The following TFDP2 variants were observed in gnomAD, a reference collection of about 807,000 sequenced individuals.
TFDP2 encodes the protein transcription factor Dp-2.
TFDP2 carries 17 observed loss-of-function variants against 59.3 expected under a neutral mutation model. The ratio of observed to expected loss-of-function variants is 0.29; its 90% CI spans 0.20 to 0.43. The LOEUF (loss-of-function observed/expected upper bound fraction) is 0.43. Among genes scored for constraint, TFDP2 ranks in the 20% least tolerant of loss-of-function variants. The probability of loss-of-function intolerance (pLI) is 1.00; values close to 1 mark genes in which losing one functional copy is unlikely to be tolerated. For missense variants in TFDP2, 391 were observed against 528.8 expected, an observed-to-expected ratio of 0.74 and a Z score of 2.56; for synonymous variants, 180 against 194.7, an observed-to-expected ratio of 0.92 and a Z score of 0.63.
intron 3 of TFDP2, chr3:142,054,004 G>A (rs2059655843): frequency 1.3e-5 from 2 of 152,176 alleles, no homozygotes; most frequent in African/African-American, 4.8e-5. Flanking sequence ...GTGCTGGCAA[G>A]GACACAGGGC....
At chr3:142,005,635 T>C (rs1304640606) in intron 3 of TFDP2, 91 bp from the exon 4 acceptor site, 1 of 771,132 alleles carries the variant, frequency 1.3e-6, no homozygotes, top group African/African-American at 1.8e-5. Flanking sequence ...ATTCATTATG[T>C]TGAGGTAATT....
chr3:142,068,848 C>T (rs1296918018), intron 3 of TFDP2, among the ~76,000 whole-genome samples: 1 of 152,092 alleles, frequency 6.6e-6, no homozygotes, highest in Non-Finnish European at 1.5e-5. Flanking sequence ...TGTGAGCCAC[C>T]ACGCCAGGCC....
rs949236370 is a variant in TFDP2 at position 142,101,767 on chromosome 3, T to C, written c.-18A>G. 4 of 1,313,724 alleles carry C rather than the reference T, an allele frequency of 3.0e-6. No homozygotes were observed. Among genetic ancestry groups the C allele is most frequent in the Non-Finnish European group, 4.0e-6 (4 of 997,146 alleles). The allele number at this position is 1,313,724 out of a possible 1,614,324, so 81.4% of individuals were successfully genotyped here. A position where few individuals can be genotyped will look rare whatever the true frequency, so the allele number is the denominator to read the frequency against. ...GCCGTCATGTCAAACTGTATTCTATTTAAGATTCTGTAAAGCCATTAAAAA... is the reference window on the plus strand; with the variant it reads ...GCCGTCATGTCAAACTGTATTCTATCTAAGATTCTGTAAAGCCATTAAAAA... On this transcript the variant is annotated 5_prime_UTR_variant, in exon 2 of 13. Coordinates refer to ENST00000489671, the MANE Select transcript of TFDP2 (RefSeq NM_001178139.2).
At chr3:141,952,798 C>G (rs1936080237) in intron 12 of TFDP2, 102 bp from the exon 13 acceptor site, 3 of 1,561,436 alleles carry the variant, frequency 1.9e-6, no homozygotes, top group Non-Finnish European at 2.6e-6. Context: ...GTGAGATCTG[C>G]CACAAACCTG....
chr3:142,149,507 C>T lies in TFDP2; in HGVS notation c.-417G>A, dbSNP rs1037439231. 2.9e-6 allele frequency: 1 copy of T among 342,128 alleles called. No homozygotes were observed. The highest frequency in any genetic ancestry group is 5.2e-6 in the Non-Finnish European group (1 of 190,652). 21.2% of individuals were successfully genotyped at this position (342,128 alleles called of 1,614,324 possible). The stretch of plus-strand genomic sequence containing the variant: ...CCCTGCCCAGCTACAGCCCCGCTTC[C>T]CCCGCGCGAGCTTTGGCGGCGGAGC... On this transcript the variant is annotated 5_prime_UTR_variant, in exon 1 of 13. Transcript: ENST00000489671.
intron 1 of TFDP2, among the ~76,000 whole-genome samples, chr3:142,133,366 G>A (rs975229662): frequency 4.0e-5 from 6 of 149,088 alleles, no homozygotes; most frequent in Non-Finnish European, 7.4e-5. Flanking sequence ...ACAGGTGTGC[G>A]CCATCACACC....
intron 11 of TFDP2, among the ~76,000 whole-genome samples, chr3:141,954,926 A>T (rs2107840167): frequency 6.6e-6 from 1 of 152,316 alleles, no homozygotes; most frequent in Non-Finnish European, 1.5e-5. Flanking sequence ...CTAAATGACT[A>T]TGCTAATTTT....
intron 3 of TFDP2, among the ~76,000 whole-genome samples, chr3:142,048,546 C>T (rs533063327): frequency 2.7e-4 from 41 of 152,090 alleles, no homozygotes; most frequent in African/African-American, 8.7e-4. Context: ...AATGCAGAGC[C>T]GTTTTCAACC....
At chr3:142,094,676 A>G (rs185786788) in intron 2 of TFDP2, among the ~76,000 whole-genome samples, 84 of 152,320 alleles carry the variant, frequency 5.5e-4, no homozygotes, top group African/African-American at 1.8e-3. Flanking sequence ...TATCATTGAT[A>G]TATAAAAATG....
intron 1 of TFDP2, among the ~76,000 whole-genome samples, chr3:142,103,527 C>T (rs1560147101): frequency 6.6e-6 from 1 of 152,002 alleles, no homozygotes; most frequent in South Asian, 2.1e-4. Context: ...ATAAAAAATA[C>T]ACTAAAATAT....
At chr3:142,005,311 T>C (rs984216308) in intron 4 of TFDP2, 130 bp downstream of exon 4, 1 of 671,638 alleles carries the variant, frequency 1.5e-6, no homozygotes, top group Non-Finnish European at 2.5e-6. Context: ...AGTGTTGGGA[T>C]TACAGGAGTG....
chr3:142,140,209 A>G (rs1254053180), intron 1 of TFDP2, among the ~76,000 whole-genome samples: 4 of 152,158 alleles, frequency 2.6e-5, no homozygotes, highest in African/African-American at 7.2e-5. Context: ...CATGGTTTTC[A>G]GCTCCATCAG....
chr3:142,131,621 G>A (rs778842303), intron 1 of TFDP2, among the ~76,000 whole-genome samples: 20 of 150,244 alleles, frequency 1.3e-4, no homozygotes, highest in Non-Finnish European at 2.9e-4. Context: ...AACACTTGGA[G>A]TATATAATGG....
chr3:142,042,630 CTTTTTT>C (rs66981475), intron 3 of TFDP2, among the ~76,000 whole-genome samples: 25 of 108,206 alleles, frequency 2.3e-4, no homozygotes, highest in Non-Finnish European at 3.9e-4. Flanking sequence ...CTTTTCTTTT[CTTTTTT>C]TTTTTTTTTT....
intron 9 of TFDP2, among the ~76,000 whole-genome samples, chr3:141,968,764 T>C (rs191588157): frequency 0.026 from 1,361 of 53,360 alleles, 40 homozygotes; most frequent in Middle Eastern, 0.038. Flanking sequence ...ATATATAACA[T>C]ATATATCTCA....
intron 3 of TFDP2, among the ~76,000 whole-genome samples, chr3:142,074,669 T>C (rs1204040205): frequency 6.6e-6 from 1 of 151,724 alleles, no homozygotes; most frequent in Non-Finnish European, 1.5e-5. Flanking sequence ...CTGAACAACA[T>C]GGTGAAACCT....
rs1298709753 is a variant in TFDP2, at chr3:141,947,878, T to A, written c.*4635A>T. 1.3e-5 allele frequency: 2 copies of A among 152,448 alleles called. No homozygotes were observed. The highest frequency in any genetic ancestry group is 2.9e-5 in the Non-Finnish European group (2 of 68,240). 9.4% of individuals were successfully genotyped at this position (152,448 alleles called of 1,614,324 possible). A position where few individuals can be genotyped will look rare whatever the true frequency, so the allele number is the denominator to read the frequency against. On this transcript the variant is annotated 3_prime_UTR_variant, in exon 13 of 13. Coordinates refer to ENST00000489671, the MANE Select transcript of TFDP2 (RefSeq NM_001178139.2). The stretch of plus-strand genomic sequence containing the variant: ...AAACTGTCTCTTTCCCAGAGGGGCC[T>A]TTCCCAGCCACCCCCAGCCAAAGTA...
intron 3 of TFDP2, among the ~76,000 whole-genome samples, chr3:142,007,554 G>A (rs1159063335): frequency 6.6e-6 from 1 of 152,184 alleles, no homozygotes; most frequent in Admixed American, 6.5e-5. Context: ...GTTTTGCAAT[G>A]ATTCCAGAAT....
chr3:142,008,757 T>G (rs1207765305), intron 3 of TFDP2, among the ~76,000 whole-genome samples: 1 of 152,152 alleles, frequency 6.6e-6, no homozygotes, highest in Non-Finnish European at 1.5e-5. Context: ...CACATATATA[T>G]GCACACATAC....
Sources: gnomAD v4.1 joint callset for allele counts (sites outside exome capture counted in the v4.1 genomes callset) on GRCh38, gnomAD v4.1.1 for gene constraint, MANE v1.5 for transcripts, NCBI Gene and HGNC (gene_info 2026-07-23, HGNC 2026-07-21) for gene names.